The following MTHFD1L variants were observed in gnomAD, a reference collection of about 807,000 sequenced individuals.
The protein encoded by MTHFD1L is monofunctional C1-tetrahydrofolate synthase, mitochondrial.
Under a neutral mutation model 119.5 loss-of-function variants are expected in MTHFD1L, and 81 were observed. That is an observed-to-expected ratio of 0.68 (90% CI 0.57 to 0.82). The LOEUF is 0.82. Ranked by LOEUF, MTHFD1L falls within the 40% of genes least tolerant of loss-of-function variation. The probability of loss-of-function intolerance (pLI) is 0.00; values close to 1 mark genes in which losing one functional copy is unlikely to be tolerated. For missense variants in MTHFD1L, 1,125 were observed against 1,253.4 expected, an observed-to-expected ratio of 0.90 and a Z score of 1.55; for synonymous variants, 430 against 475.2, an observed-to-expected ratio of 0.90 and a Z score of 1.24.
intron 23 of MTHFD1L, among the ~76,000 whole-genome samples, chr6:151,015,206 CTTT>C (rs58646889): frequency 5.7e-4 from 44 of 76,906 alleles, no homozygotes; most frequent in South Asian, 1.3e-3. Flanking sequence ...ATCTCCTTGG[CTTT>C]TTTTTTTTTT....
chr6:151,082,647 A>C (rs1793316419), intron 26 of MTHFD1L, among the ~76,000 whole-genome samples: 2 of 152,048 alleles, frequency 1.3e-5, no homozygotes, highest in Admixed American at 1.3e-4. Flanking sequence ...CCTTTAATCC[A>C]GGCAATTATC....
intron 16 of MTHFD1L, among the ~76,000 whole-genome samples, chr6:150,951,781 T>C (rs1239692094): frequency 6.6e-6 from 1 of 152,198 alleles, no homozygotes; most frequent in African/African-American, 2.4e-5. Flanking sequence ...ATGTCCAAAA[T>C]GTATTGTCAT....
chr6:150,915,087 G>A (rs534206467), intron 8 of MTHFD1L, among the ~76,000 whole-genome samples: 2 of 152,252 alleles, frequency 1.3e-5, no homozygotes, highest in African/African-American at 2.4e-5. Context: ...AGTTTGTTTT[G>A]TTAATTATAT....
At chr6:150,947,682 G>T (rs1794207872) in intron 15 of MTHFD1L, among the ~76,000 whole-genome samples, 2 of 139,066 alleles carry the variant, frequency 1.4e-5, no homozygotes. Flanking sequence ...TGAATTACTG[G>T]TATTTGTATT....
intron 11 of MTHFD1L, chr6:150,935,615 T>C (rs1469830071): frequency 7.6e-6 from 10 of 1,321,074 alleles, no homozygotes; most frequent in African/African-American, 1.5e-5. Flanking sequence ...TCTGGTCTGA[T>C]TTTGACAAAT....
chr6:150,903,986 CAG>C (rs964697996), intron 7 of MTHFD1L, among the ~76,000 whole-genome samples: 52 of 152,312 alleles, frequency 3.4e-4, no homozygotes, highest in Non-Finnish European at 1.5e-4. Flanking sequence ...CCTCCTCTGT[CAG>C]GGGACTTGGA....
intron 20 of MTHFD1L, among the ~76,000 whole-genome samples, chr6:150,997,754 GCA>G (rs535392180): frequency 2.3e-4 from 35 of 152,284 alleles, no homozygotes; most frequent in Admixed American, 1.6e-3. Context: ...TCGTACCACT[GCA>G]CTCCAGCCTG....
intron 4 of MTHFD1L, among the ~76,000 whole-genome samples, chr6:150,879,962 C>T (rs1008956800): frequency 6.6e-6 from 1 of 151,998 alleles, no homozygotes; most frequent in Non-Finnish European, 1.5e-5. Context: ...TGATTTTCGT[C>T]GTTGTTGTTT....
chr6:151,096,667 G>GA (rs1251192748), intron 27 of MTHFD1L, among the ~76,000 whole-genome samples: 2 of 152,166 alleles, frequency 1.3e-5, no homozygotes, highest in Non-Finnish European at 2.9e-5. Flanking sequence ...CTCCTTCAGG[G>GA]ATCACACCGT....
chr6:151,081,498 C>CAAAAAAAAAAA (rs56795003), intron 26 of MTHFD1L, among the ~76,000 whole-genome samples: 10 of 98,154 alleles, frequency 1.0e-4, no homozygotes, highest in African/African-American at 2.3e-4. Context: ...ACTAAAAATG[C>CAAAAAAAAAAA]AAAAAAAAAA....
At chr6:150,973,893 C>G (rs1332054163) in intron 20 of MTHFD1L, among the ~76,000 whole-genome samples, 1 of 152,106 alleles carries the variant, frequency 6.6e-6, no homozygotes, top group Non-Finnish European at 1.5e-5. Flanking sequence ...TTCTCTAGGG[C>G]TCAATTTTTT....
intron 18 of MTHFD1L, 115 bp downstream of exon 18, chr6:150,960,530 T>A: frequency 1.5e-6 from 2 of 1,350,218 alleles, no homozygotes; most frequent in Non-Finnish European, 2.0e-6. Context: ...ACAGAAAAAG[T>A]TTCCACACAC....
chr6:151,003,260 C>T (rs534535636), intron 20 of MTHFD1L, among the ~76,000 whole-genome samples: 16 of 152,234 alleles, frequency 1.1e-4, no homozygotes, highest in African/African-American at 2.4e-4. Context: ...GGCCGGGCGC[C>T]GTGGCTCACG....
chr6:150,955,458 C>A (rs540945219), intron 16 of MTHFD1L, among the ~76,000 whole-genome samples: 1 of 140,988 alleles, frequency 7.1e-6, no homozygotes, highest in African/African-American at 2.7e-5. Flanking sequence ...CCTTTTGGTT[C>A]TTTCGGGTAA....
intron 7 of MTHFD1L, among the ~76,000 whole-genome samples, chr6:150,904,949 T>A (rs1785641446): frequency 6.6e-6 from 1 of 152,006 alleles, no homozygotes; most frequent in Non-Finnish European, 1.5e-5. Context: ...AACAGTTCTA[T>A]AGGGGTCTCA....
chr6:151,020,350 G>A (rs935830565), intron 24 of MTHFD1L, among the ~76,000 whole-genome samples: 4 of 152,198 alleles, frequency 2.6e-5, no homozygotes, highest in Admixed American at 1.3e-4. Flanking sequence ...GGCACTGTGC[G>A]GCCAGACAGC....
intron 1 of MTHFD1L, among the ~76,000 whole-genome samples, chr6:150,874,142 TTGGA>T (rs1780006610): frequency 6.6e-6 from 1 of 152,086 alleles, no homozygotes; most frequent in Non-Finnish European, 1.5e-5. Flanking sequence ...TCACCCATTA[TTGGA>T]TGGATGGATT....
At chr6:150,950,949 G>C (rs954247052) in intron 16 of MTHFD1L, among the ~76,000 whole-genome samples, 1 of 150,002 alleles carries the variant, frequency 6.7e-6, no homozygotes, top group East Asian at 2.0e-4. Flanking sequence ...GATTACATGC[G>C]TGAGCCACTG....
intron 20 of MTHFD1L, among the ~76,000 whole-genome samples, chr6:150,989,899 C>T (rs1365206086): frequency 6.6e-6 from 1 of 152,214 alleles, no homozygotes; most frequent in African/African-American, 2.4e-5. Context: ...ACTGTAAAAA[C>T]TGCAGAGGAA....
Sources: gnomAD v4.1 joint callset for allele counts (sites outside exome capture counted in the v4.1 genomes callset) on GRCh38, gnomAD v4.1.1 for gene constraint, MANE v1.5 for transcripts, NCBI Gene and HGNC (gene_info 2026-07-23, HGNC 2026-07-21) for gene names.